The following ECPAS variants were observed in gnomAD, a reference collection of about 807,000 sequenced individuals.
ECPAS encodes Ecm29 proteasome adaptor and scaffold.
ECPAS carries 70 observed loss-of-function variants against 255.1 expected under a neutral mutation model. The ratio of observed to expected loss-of-function variants is 0.27; its 90% CI spans 0.23 to 0.33. ECPAS has a LOEUF of 0.33. Ranked by LOEUF, ECPAS falls within the 10% of genes least tolerant of loss-of-function variation. The pLI, the probability that ECPAS is intolerant of heterozygous loss-of-function variation, is 1.00. For missense variants in ECPAS, 1,817 were observed against 2,206.4 expected, an observed-to-expected ratio of 0.82 and a Z score of 3.54; for synonymous variants, 784 against 775.0, an observed-to-expected ratio of 1.01 and a Z score of -0.19.
In ECPAS at chr9:111,389,666, A is replaced by G; in HGVS notation, c.3337T>C (p.Phe1113Leu). 6.2e-7 allele frequency: 1 copy of G among 1,613,944 alleles called. No individual in the cohort carries two copies. The highest frequency in any genetic ancestry group is 8.5e-7 in the Non-Finnish European group (1 of 1,179,842). Residue 1113 changes from phenylalanine (F) to leucine (L), a missense_variant, in exon 31 of 50, where the codon TTT (phenylalanine) becomes CTT (leucine). Around this residue, in one of 4 missense-constraint regions of ECPAS, gnomAD observed 960 missense variants for 1,179.0 expected, o/e 0.81. Transcript: ENST00000684092. ...AGTCGAGGAACTAGCTGAGGCAGAA[A>G]AGGAGCCAGCTGCTCTCCAGCTCTG... ...ATRAGEQLAP[F>L]LPQLVPRLYR...
At position 111,428,173 on chromosome 9, in the gene ECPAS, A is replaced by T. The variant is rs2098224526; in HGVS notation, c.931-12T>A. The stretch of plus-strand genomic sequence containing the variant: ...TTCAGAACTGCACCCTGTTGAAAAT[A>T]TGCTTGATTATAACTCAGCAATTCA... On this transcript the variant is annotated splice_polypyrimidine_tract_variant and intron_variant, in intron 9 of 49. Coordinates refer to ENST00000684092, the MANE Select transcript of ECPAS (RefSeq NM_001364929.1). The T allele has an allele frequency of 1.2e-6, 2 of 1,604,840 alleles. No individual in the cohort carries two copies. Among genetic ancestry groups the T allele is most frequent in the African/African-American group, 2.7e-5 (2 of 74,692 alleles).
rs1334142905 is a variant in ECPAS at position 111,378,674 on chromosome 9, G to A, written c.3860C>T (p.Ala1287Val). The A allele has an allele frequency of 6.2e-7, 1 of 1,613,854 alleles. No individual in the cohort carries two copies. Among genetic ancestry groups the A allele is most frequent in the South Asian group, 1.1e-5 (1 of 91,064 alleles). Reference protein sequence around the residue: ...KSAGAMLKPHAPKLIPALLES... With the variant: ...KSAGAMLKPHVPKLIPALLES... Reference sequence around the variant, plus strand: ...TAGCAGAGCTGGAATGAGTTTTGGTGCATGCGGTTTCAACATGGCTCCTGC... The same window carrying A: ...TAGCAGAGCTGGAATGAGTTTTGGTACATGCGGTTTCAACATGGCTCCTGC... The change falls in exon 36 of 50, where the codon GCA becomes GTA. Residue 1287 changes from alanine to valine, a missense_variant. By Grantham distance (64) the Ala-to-Val change is moderately conservative. Transcript: ENST00000684092.
Position 111,414,480 on chromosome 9 carries a change from G to T in ECPAS, c.1936C>A (p.Pro646Thr), listed in dbSNP as rs1392734897. The change falls in exon 19 of 50, where the codon CCT (proline) becomes ACT (threonine). Residue 646 changes from proline to threonine, a missense_variant. Physicochemically the swap from Pro to Thr is conservative, Grantham distance 38. Around this residue, in one of 4 missense-constraint regions of ECPAS, gnomAD observed 573 missense variants for 716.2 expected, o/e 0.80. Coordinates refer to ENST00000684092, the MANE Select transcript of ECPAS (RefSeq NM_001364929.1). Reference protein sequence around the residue: ...SSSNKSGETNPVQIYIGLLQQ... With the variant: ...SSSNKSGETNTVQIYIGLLQQ... ...AGCAGGCCAATGTAGATCTGGACAGGGTTAGTCTCCCCACTCTTGTTAGAT... is the reference window on the plus strand; with the variant it reads ...AGCAGGCCAATGTAGATCTGGACAGTGTTAGTCTCCCCACTCTTGTTAGAT... 5 of 1,613,882 alleles carry T rather than the reference G, an allele frequency of 3.1e-6. No individual in the cohort carries two copies. Among genetic ancestry groups the T allele is most frequent in the Non-Finnish European group, 4.2e-6 (5 of 1,179,838 alleles).
At chr9:111,400,983 G>A (rs2098175101) in intron 24 of ECPAS, among the ~76,000 whole-genome samples, 1 of 152,054 alleles carries the variant, frequency 6.6e-6, no homozygotes, top group African/African-American at 2.4e-5. Context: ...ACTCACAAAG[G>A]TCATGGATGA....
intron 35 of ECPAS, among the ~76,000 whole-genome samples, chr9:111,380,665 A>G (rs1243287230): frequency 6.6e-6 from 1 of 152,218 alleles, no homozygotes; most frequent in Non-Finnish European, 1.5e-5. Context: ...ACAAAAGGCT[A>G]TTTCATCTCC....
At chr9:111,436,897 T>G (rs376452970) in intron 7 of ECPAS, 43 bp downstream of exon 7, 1 of 1,493,796 alleles carries the variant, frequency 6.7e-7, no homozygotes, top group Non-Finnish European at 9.0e-7. Context: ...TAGGGGAAAG[T>G]GTCCACAATC....
Position 111,391,766 on chromosome 9 carries a change from T to A in ECPAS, c.3151A>T (p.Thr1051Ser). Residue 1051 changes from threonine (T) to serine (S), a missense_variant, in exon 29 of 50, where the codon ACA becomes TCA. This residue lies in a region of ECPAS where 960 missense variants were observed against 1,179.0 expected (regional missense o/e 0.81). Transcript: ENST00000684092. ...ATTTAGCATACTTACCCATCTGGTG[T>A]TTTGCCAAGAGCTCCCCCTTGAAAT... ...VVFQGGALGK[T>S]PDGQGLSTYK... 6.2e-7 allele frequency: 1 copy of A among 1,604,238 alleles called. No individual in the cohort carries two copies. The highest frequency in any genetic ancestry group is 8.5e-7 in the Non-Finnish European group (1 of 1,172,442).
At chr9:111,392,994 A>G in intron 27 of ECPAS, 112 bp from the exon 28 acceptor site, 1 of 634,908 alleles carries the variant, frequency 1.6e-6, no homozygotes, top group Non-Finnish European at 2.8e-6. Flanking sequence ...ATATCAAAGT[A>G]AAGATATAAA....
intron 23 of ECPAS, 89 bp downstream of exon 23, chr9:111,409,952 G>T: frequency 1.1e-6 from 1 of 919,392 alleles, no homozygotes; most frequent in Non-Finnish European, 1.6e-6. Context: ...CAGCTGTAAT[G>T]CCATCTATTC....
chr9:111,454,454 A>G (rs1477491147), intron 2 of ECPAS, among the ~76,000 whole-genome samples: 1 of 152,144 alleles, frequency 6.6e-6, no homozygotes, highest in East Asian at 1.9e-4. Context: ...ATAACATCCT[A>G]AACACAATAA....
intron 2 of ECPAS, among the ~76,000 whole-genome samples, chr9:111,469,732 C>T (rs1441664706): frequency 1.3e-5 from 2 of 151,922 alleles, no homozygotes; most frequent in African/African-American, 4.8e-5. Context: ...TGGCGTGAAC[C>T]CGGGAGGTGG....
At chr9:111,385,166 A>AG (rs1214751051) in intron 33 of ECPAS, among the ~76,000 whole-genome samples, 171 bp downstream of exon 33, 2 of 152,184 alleles carry the variant, frequency 1.3e-5, no homozygotes, top group Admixed American at 6.5e-5. Context: ...TTTAGATCTA[A>AG]GGATACCCAA....
At chr9:111,392,449 G>C (rs1292391492) in intron 28 of ECPAS, among the ~76,000 whole-genome samples, 1 of 152,194 alleles carries the variant, frequency 6.6e-6, no homozygotes, top group African/African-American at 2.4e-5. Context: ...TCACGGGTTA[G>C]ACTATGAATG....
At chr9:111,401,318 A>G (rs541963492) in intron 24 of ECPAS, among the ~76,000 whole-genome samples, 1 of 152,306 alleles carries the variant, frequency 6.6e-6, no homozygotes, top group South Asian at 2.1e-4. Flanking sequence ...GTGCCGTCAC[A>G]TATTGGTAGG....
chr9:111,410,160 G>C lies in ECPAS; in HGVS notation c.2431C>G (p.Leu811Val). ...GGACCATTTCTGCCAATTTCACCCA[G>C]GGCTGTGCAGGCAGCAATTGCCAGG... ...PLLAIAACTA[L>V]GEIGRNGPLP... The change falls in exon 23 of 50, where the codon CTG (leucine) becomes GTG (valine). Residue 811 changes from leucine to valine, a missense_variant. Physicochemically the swap from Leu to Val is conservative, Grantham distance 32 (BLOSUM62 1). This residue lies in a region of ECPAS where 194 missense variants were observed against 152.8 expected (regional missense o/e 1.27). Transcript: ENST00000684092. The C allele has an allele frequency of 1.2e-6, 2 of 1,613,164 alleles. No individual in the cohort carries two copies. Among genetic ancestry groups the C allele is most frequent in the African/African-American group, 1.3e-5 (1 of 75,034 alleles).
chr9:111,363,630 C>A lies in ECPAS; in HGVS notation c.5338G>T (p.Glu1780Ter). 6.4e-7 allele frequency: 1 copy of A among 1,571,304 alleles called. No homozygotes were observed. The highest frequency in any genetic ancestry group is 8.7e-7 in the Non-Finnish European group (1 of 1,156,050). The change falls in exon 49 of 50, where the codon GAA (glutamate) becomes TAA (stop). Residue 1780 changes from glutamate (E) to a stop codon, truncating the protein, a stop_gained. Coordinates refer to ENST00000684092, the MANE Select transcript of ECPAS (RefSeq NM_001364929.1). LOFTEE classifies it high-confidence loss of function. ...AGCAATTCTATCACAGATAAAGCTTCTGTTCTCACAGATGAGTAGGTCTTA... is the reference window on the plus strand; with the variant it reads ...AGCAATTCTATCACAGATAAAGCTTATGTTCTCACAGATGAGTAGGTCTTA... The part of the protein sequence containing the change: ...ENKTYSSVRT[E>*]ALSVIELLLK...
In ECPAS at chr9:111,433,263, G is replaced by A. The variant is rs745470365; in HGVS notation, c.818C>T (p.Ala273Val). 1 of 1,614,002 alleles carries A rather than the reference G, an allele frequency of 6.2e-7. No homozygotes were observed. The highest frequency in any genetic ancestry group is 1.1e-5 in the South Asian group (1 of 91,080). Residue 273 changes from alanine to valine, a missense_variant, in exon 8 of 50, where the codon GCA becomes GTA. Transcript: ENST00000684092. ...SSDTRHSVAT[A>V]ADLELKSKQS... ...TTTGCTTTTCAATTCCAGGTCTGCT[G>A]CCGTTGCCACACTGTGGCGTGTATC... is the stretch of plus-strand genomic sequence containing the variant.
chr9:111,417,856 CTAAT>C (rs2098206621), intron 17 of ECPAS, 23 bp downstream of exon 17: 2 of 1,529,838 alleles, frequency 1.3e-6, no homozygotes, highest in Non-Finnish European at 8.8e-7. Context: ...ATGATTTAGA[CTAAT>C]TACCTTAAGT....
intron 2 of ECPAS, 51 bp downstream of exon 2, chr9:111,472,846 A>G (rs1348141845): frequency 8.4e-6 from 5 of 595,168 alleles, no homozygotes; most frequent in South Asian, 6.2e-5. Flanking sequence ...TGCATTTTTA[A>G]ATGCTGCTAC....
Sources: allele counts gnomAD v4.1 joint callset (sites outside exome capture counted in the v4.1 genomes callset), GRCh38; gene constraint gnomAD v4.1.1; regional missense constraint gnomAD v4.1.1; transcripts MANE v1.5; gene names NCBI Gene and HGNC (gene_info 2026-07-23, HGNC 2026-07-21).